CLASP2: variants seen among roughly 807,000 people sequenced by gnomAD.
CLASP2 encodes cytoplasmic linker associated protein 2.
CLASP2 carries 47 observed loss-of-function variants against 194.4 expected under a neutral mutation model. The ratio of observed to expected loss-of-function variants is 0.24; its 90% CI spans 0.19 to 0.31. The LOEUF is 0.31. Ranked by LOEUF, CLASP2 falls within the 10% of genes least tolerant of loss-of-function variation. The pLI, the probability that CLASP2 is intolerant of heterozygous loss-of-function variation, is 1.00. For synonymous variants in CLASP2, 619 were observed against 633.5 expected (o/e 0.98, Z 0.34); for missense variants, 1,445 against 1,823.6 (o/e 0.79, Z 3.78).
chr3:33,646,808 C>T (rs1023601926), intron 7 of CLASP2, among the ~76,000 whole-genome samples: 9 of 152,096 alleles, frequency 5.9e-5, no homozygotes, highest in African/African-American at 2.2e-4. Context: ...AACCAGTATC[C>T]AGATCCACAG....
chr3:33,578,588 C>T (rs901616716), intron 23 of CLASP2, among the ~76,000 whole-genome samples: 3 of 152,118 alleles, frequency 2.0e-5, no homozygotes, highest in Non-Finnish European at 4.4e-5. Context: ...GAATGCTGCA[C>T]AAAATGTTTA....
chr3:33,561,028 T>C (rs769449133), intron 27 of CLASP2, 57 bp from the exon 28 acceptor site: 32 of 1,459,102 alleles, frequency 2.2e-5, no homozygotes, highest in Admixed American at 1.4e-4. Context: ...TTGACCTCTA[T>C]GTTCAATTCA....
chr3:33,655,847 A>G (rs1277458902), intron 7 of CLASP2, among the ~76,000 whole-genome samples: 1 of 152,164 alleles, frequency 6.6e-6, no homozygotes, highest in African/African-American at 2.4e-5. Context: ...ATATATTTTT[A>G]AAGACTCATT....
At chr3:33,677,419 T>C (rs1464158132) in intron 6 of CLASP2, among the ~76,000 whole-genome samples, 1 of 150,806 alleles carries the variant, frequency 6.6e-6, no homozygotes, top group Admixed American at 6.6e-5. Context: ...ATGGATGAAG[T>C]TGGAAATCAT....
intron 8 of CLASP2, among the ~76,000 whole-genome samples, chr3:33,637,591 C>T (rs1327196027): frequency 2.0e-5 from 3 of 151,908 alleles, no homozygotes; most frequent in Non-Finnish European, 2.9e-5. Context: ...ATATAAACTC[C>T]AGGAGGCCAA....
At chr3:33,625,740 T>C (rs189667354) in intron 10 of CLASP2, among the ~76,000 whole-genome samples, 115 of 152,160 alleles carry the variant, frequency 7.6e-4, no homozygotes, top group African/African-American at 2.6e-3. Flanking sequence ...GGTACAATCA[T>C]AGCTCACTGT....
intron 30 of CLASP2, among the ~76,000 whole-genome samples, chr3:33,546,704 C>G (rs898980369): frequency 4.6e-5 from 7 of 152,166 alleles, no homozygotes; most frequent in Admixed American, 1.3e-4. Flanking sequence ...CTTTCAACAT[C>G]AGCTCTACCT....
At chr3:33,566,787 AAAGAAAAAC>A (rs2062817536) in intron 26 of CLASP2, 53 bp from the exon 27 acceptor site, 1 of 432,920 alleles carries the variant, frequency 2.3e-6, no homozygotes, top group South Asian at 1.7e-5. Flanking sequence ...AAAAGAAAAA[AAAGAAAAAC>A]ACACAAATTA....
intron 25 of CLASP2, 104 bp from the exon 26 acceptor site, chr3:33,570,894 G>T (rs1163287893): frequency 1.0e-6 from 1 of 972,584 alleles, no homozygotes; most frequent in East Asian, 2.7e-5. Context: ...AAAAAGGTTA[G>T]GTTGGGCATG....
At chr3:33,620,419 C>T (rs1455614557) in intron 11 of CLASP2, among the ~76,000 whole-genome samples, 1 of 152,122 alleles carries the variant, frequency 6.6e-6, no homozygotes, top group Non-Finnish European at 1.5e-5. Flanking sequence ...GCTGACAATG[C>T]TTGCAATACT....
rs546344704 is a variant in CLASP2 at position 33,517,990 on chromosome 3, G to A, written c.3788-816C>T. 2.0e-5 allele frequency among the ~76,000 whole-genome samples: 3 copies of A among 152,266 alleles called. No individual in the cohort carries two copies. The East Asian group carries it at 5.8e-4, about 29-fold the overall frequency. On this transcript the variant is annotated intron_variant, in intron 34 of 38. Transcript: ENST00000682230. ...AAGGTTTCAGTCACTGATTGTTGTT[G>A]AATCAGTTATTTTAATATGAGTTAA...
At chr3:33,540,880 T>C (rs566625315) in intron 32 of CLASP2, among the ~76,000 whole-genome samples, 202 of 152,046 alleles carry the variant, frequency 1.3e-3, no homozygotes, top group African/African-American at 4.6e-3. Flanking sequence ...TCAAGTGATT[T>C]TCCTGCCTCA....
At chr3:33,708,246 C>G (rs1351709882) in intron 1 of CLASP2, among the ~76,000 whole-genome samples, 1 of 151,598 alleles carries the variant, frequency 6.6e-6, no homozygotes, top group Admixed American at 6.6e-5. Flanking sequence ...TGGTAATCAC[C>G]ATTCTATATT....
At chr3:33,623,875 TGTG>T (rs1270437535) in intron 10 of CLASP2, among the ~76,000 whole-genome samples, 1 of 152,172 alleles carries the variant, frequency 6.6e-6, no homozygotes, top group Admixed American at 6.6e-5. Context: ...TCTCCCTGCA[TGTG>T]GTTTATACAA....
intron 6 of CLASP2, among the ~76,000 whole-genome samples, chr3:33,673,543 A>T (rs1299125948): frequency 7.2e-5 from 11 of 152,178 alleles, no homozygotes; most frequent in Non-Finnish European, 1.3e-4. Context: ...ACTAACGAGC[A>T]AAATAACCAG....
intron 8 of CLASP2, among the ~76,000 whole-genome samples, chr3:33,639,321 G>C (rs1279353097): frequency 1.3e-5 from 2 of 152,152 alleles, no homozygotes; most frequent in African/African-American, 4.8e-5. Flanking sequence ...ATCTCCCCAA[G>C]TGCTGGTATT....
At chr3:33,559,266 T>A (rs763149355) in intron 29 of CLASP2, 41 bp downstream of exon 29, 1 of 1,152,306 alleles carries the variant, frequency 8.7e-7, no homozygotes, top group African/African-American at 1.5e-5. Flanking sequence ...AATAAATACT[T>A]CAATTCTTTA....
chr3:33,629,563 T>A (rs537310975), intron 9 of CLASP2, among the ~76,000 whole-genome samples: 1 of 152,168 alleles, frequency 6.6e-6, no homozygotes, highest in South Asian at 2.1e-4. Context: ...AAGAAACATG[T>A]CTGATAGCTA....
At chr3:33,701,848 A>G (rs1462423341) in intron 1 of CLASP2, among the ~76,000 whole-genome samples, 1 of 152,244 alleles carries the variant, frequency 6.6e-6, no homozygotes, top group Non-Finnish European at 1.5e-5. Context: ...CATAAAACCT[A>G]AAACTATAAA....
Sources: gnomAD v4.1 joint callset for allele counts (sites outside exome capture counted in the v4.1 genomes callset) on GRCh38, gnomAD v4.1.1 for gene constraint, MANE v1.5 for transcripts, NCBI Gene and HGNC (gene_info 2026-07-23, HGNC 2026-07-21) for gene names.